The following LAMA3 variants were observed in gnomAD, a reference collection of about 807,000 sequenced individuals.
LAMA3 encodes laminin subunit alpha-3.
In LAMA3, 281 loss-of-function variants were observed where a neutral mutation model predicts 402.0. The observed-to-expected ratio is 0.70, with a 90% CI of 0.63 to 0.77. The LOEUF (loss-of-function observed/expected upper bound fraction) is 0.77, where lower values mean the gene tolerates loss of function less well. Ranked by LOEUF, LAMA3 falls within the 30% of genes least tolerant of loss-of-function variation. The probability of loss-of-function intolerance (pLI) is 0.00; values close to 1 mark genes in which losing one functional copy is unlikely to be tolerated. For missense variants in LAMA3, 3,840 were observed against 4,215.5 expected, an observed-to-expected ratio of 0.91 and a Z score of 2.47; for synonymous variants, 1,431 against 1,558.4, an observed-to-expected ratio of 0.92 and a Z score of 1.93.
chr18:23,825,792 A>G (rs1445834214), intron 21 of LAMA3, among the ~76,000 whole-genome samples: 1 of 152,190 alleles, frequency 6.6e-6, no homozygotes, highest in Non-Finnish European at 1.5e-5. Flanking sequence ...GGCATGGAAG[A>G]TGCCTAATGA....
At chr18:23,843,387 G>T (rs1189594459) in intron 29 of LAMA3, among the ~76,000 whole-genome samples, 1 of 152,120 alleles carries the variant, frequency 6.6e-6, no homozygotes, top group Non-Finnish European at 1.5e-5. Context: ...CTTGAGTGAT[G>T]ACAACCAGTG....
intron 12 of LAMA3, among the ~76,000 whole-genome samples, chr18:23,785,302 TGGAG>T (rs569431978): frequency 5.3e-4 from 80 of 152,310 alleles, no homozygotes; most frequent in African/African-American, 1.9e-3. Context: ...CTCTGAACAC[TGGAG>T]GATATTAGAA....
chr18:23,796,496 A>G (rs1284383792), intron 12 of LAMA3, among the ~76,000 whole-genome samples: 1 of 152,230 alleles, frequency 6.6e-6, no homozygotes, highest in African/African-American at 2.4e-5. Flanking sequence ...TTGAGAAAAC[A>G]TAGTTCCCCA....
At chr18:23,921,833 C>A (rs1362049116) in intron 62 of LAMA3, among the ~76,000 whole-genome samples, 1 of 152,060 alleles carries the variant, frequency 6.6e-6, no homozygotes, top group Non-Finnish European at 1.5e-5. Flanking sequence ...AGGGGAGGGA[C>A]CACGAAGGGT....
At chr18:23,761,837 G>A (rs2061975722) in intron 7 of LAMA3, among the ~76,000 whole-genome samples, 1 of 152,142 alleles carries the variant, frequency 6.6e-6, no homozygotes, top group Non-Finnish European at 1.5e-5. Flanking sequence ...TAGTTGTTAA[G>A]GGAAAAATTA....
At chr18:23,882,068 C>T in intron 40 of LAMA3, 23 bp downstream of exon 40, 1 of 1,537,140 alleles carries the variant, frequency 6.5e-7, no homozygotes, top group South Asian at 1.1e-5. Flanking sequence ...CTTGACATAA[C>T]CTACAGGGAC....
rs2082614726 is a variant in LAMA3, at chr18:23,943,872, T to C, written c.9111T>C (p.Leu3037=). 2.5e-6 allele frequency: 4 copies of C among 1,614,056 alleles called. No individual in the cohort carries two copies. The highest frequency in any genetic ancestry group is 2.7e-5 in the African/African-American group (2 of 75,044). ...HTGTKNSFMA[L]YLSKGRLVFA... is the part of the protein sequence containing the mutation. ...GCACTAAGAACTCCTTTATGGCTCT[T>C]TATCTTTCAAAAGGACGTCTGGTCT... Residue 3037 remains leucine, a synonymous_variant, in exon 69 of 75, where the codon CTT becomes CTC. Coordinates refer to ENST00000313654, the MANE Select transcript of LAMA3 (RefSeq NM_198129.4).
chr18:23,868,216 T>C (rs899061795), intron 37 of LAMA3, among the ~76,000 whole-genome samples: 11 of 151,968 alleles, frequency 7.2e-5, no homozygotes, highest in African/African-American at 2.7e-4. Flanking sequence ...TGTTCCAAAA[T>C]AGAAAAAAAA....
chr18:23,767,578 C>CTTTTTTTTTTTTTTTTT (rs71163640), intron 8 of LAMA3, among the ~76,000 whole-genome samples: 8 of 125,794 alleles, frequency 6.4e-5, no homozygotes, highest in African/African-American at 1.2e-4. Flanking sequence ...TCTTTCTTTT[C>CTTTTTTTTTTTTTTTTT]TTTTTTTTTT....
intron 11 of LAMA3, 129 bp from the exon 12 acceptor site, chr18:23,783,894 G>T: frequency 7.9e-7 from 1 of 1,259,098 alleles, no homozygotes; most frequent in Non-Finnish European, 1.2e-6. Context: ...AGTCTTCTGC[G>T]TTAAGAATGT....
intron 42 of LAMA3, among the ~76,000 whole-genome samples, chr18:23,891,474 G>C (rs946007819): frequency 6.6e-6 from 1 of 152,166 alleles, no homozygotes; most frequent in Admixed American, 6.5e-5. Flanking sequence ...GTCTCCAAGG[G>C]CCTTCAATTT....
At chr18:23,884,982 T>C in intron 41 of LAMA3, 129 bp downstream of exon 41, 1 of 615,002 alleles carries the variant, frequency 1.6e-6, no homozygotes, top group South Asian at 2.0e-5. Flanking sequence ...AAAAGGTCTC[T>C]TGGGAAAAAT....
intron 1 of LAMA3, among the ~76,000 whole-genome samples, chr18:23,705,201 T>C (rs1187239716): frequency 6.6e-6 from 1 of 152,184 alleles, no homozygotes; most frequent in Non-Finnish European, 1.5e-5. Context: ...GTTTGTTGCA[T>C]GGATGGATGA....
At position 23,849,001 on chromosome 18, in the gene LAMA3, C is replaced by G. The variant is rs142330099; in HGVS notation, c.4136+1333C>G. On this transcript the variant is annotated intron_variant, in intron 32 of 74. Transcript: ENST00000313654. ...GGCGTTTCCCTCTCTGTACGTGTCT[C>G]TGTCTCTTCTCATTTTCTTATAAGG... Among the ~76,000 whole-genome samples the G allele has an allele frequency of 6.0e-4, 91 of 152,318 alleles. 1 individual carries two copies. The highest frequency in any genetic ancestry group is 1.8e-3 in the African/African-American group (76 of 41,556).
chr18:23,909,528 T>A (rs1400017423), intron 55 of LAMA3, among the ~76,000 whole-genome samples: 1 of 152,162 alleles, frequency 6.6e-6, no homozygotes, highest in Non-Finnish European at 1.5e-5. Context: ...TTTGCCCCCA[T>A]TGAGTTTATT....
chr18:23,894,447 A>C, intron 43 of LAMA3, 99 bp downstream of exon 43: 1 of 1,097,808 alleles, frequency 9.1e-7, no homozygotes, highest in South Asian at 1.3e-5. Flanking sequence ...AGTCTGGGAA[A>C]GTAAGGGTGG....
At chr18:23,716,631 AGACAATTAAGAAAACATCAACATAG>A (rs2145923970) in intron 2 of LAMA3, among the ~76,000 whole-genome samples, 1 of 152,322 alleles carries the variant, frequency 6.6e-6, no homozygotes, top group East Asian at 1.9e-4. Context: ...TCCCTAATTA[AGACAATTAAGAAAACATCAACATAG>A]GAACAGTTCA....
Position 23,861,208 on chromosome 18 carries a change from G to C in LAMA3, c.4423-438G>C, listed in dbSNP as rs367566521. ...ACCTCAAAATTAACTGGCTTCCTTT[G>C]TGACCAGGAAAAGATTTAATTTTGA... On this transcript the variant is annotated intron_variant, in intron 34 of 74. Coordinates refer to ENST00000313654, the MANE Select transcript of LAMA3 (RefSeq NM_198129.4). Among the ~76,000 whole-genome samples, 126 of 151,064 alleles carry C rather than the reference G, an allele frequency of 8.3e-4. 4 individuals are homozygous for C. The South Asian group carries it at 0.025, about 30-fold the overall frequency.
intron 23 of LAMA3, among the ~76,000 whole-genome samples, chr18:23,828,081 C>T (rs1452599648): frequency 6.6e-6 from 1 of 152,148 alleles, no homozygotes; most frequent in African/African-American, 2.4e-5. Flanking sequence ...TCAACCATAA[C>T]AATAAGAATA....
Sources: allele counts gnomAD v4.1 joint callset (sites outside exome capture counted in the v4.1 genomes callset), GRCh38; gene constraint gnomAD v4.1.1; transcripts MANE v1.5; gene names NCBI Gene and HGNC (gene_info 2026-07-23, HGNC 2026-07-21).